Variants in GPC5 observed in about 807,000 individuals in gnomAD.
GPC5 encodes glypican 5, also known as glypican-5.
In GPC5, 47 loss-of-function variants were observed where a neutral mutation model predicts 53.9. The ratio of observed to expected loss-of-function variants is 0.87; its 90% CI spans 0.69 to 1.11. GPC5 has a LOEUF of 1.11. GPC5 is among the 50% of genes most tolerant of loss of function. The pLI, the probability that GPC5 is intolerant of heterozygous loss-of-function variation, is 0.00. For missense variants in GPC5, 748 were observed against 713.1 expected, an observed-to-expected ratio of 1.05 and a Z score of -0.56; for synonymous variants, 286 against 263.3, an observed-to-expected ratio of 1.09 and a Z score of -0.84.
chr13:91,920,340 A>G (rs11618235), intron 6 of GPC5, among the ~76,000 whole-genome samples: 39 of 152,202 alleles, frequency 2.6e-4, no homozygotes, highest in Non-Finnish European at 4.4e-4. Flanking sequence ...AATCAAAGAC[A>G]TATTAAACAA....
chr13:92,657,114 C>T (rs1267050950), intron 7 of GPC5, among the ~76,000 whole-genome samples: 1 of 152,134 alleles, frequency 6.6e-6, no homozygotes, highest in Non-Finnish European at 1.5e-5. Context: ...TCTTTGCTCT[C>T]ATTAGATGGT....
intron 7 of GPC5, among the ~76,000 whole-genome samples, chr13:92,547,455 G>A (rs1882158781): frequency 6.6e-6 from 1 of 152,166 alleles, no homozygotes. Context: ...GTCACTGGAG[G>A]CAGATGTGGA....
chr13:92,372,327 C>T (rs2043657399), intron 7 of GPC5, among the ~76,000 whole-genome samples: 4 of 152,130 alleles, frequency 2.6e-5, no homozygotes, highest in Non-Finnish European at 5.9e-5. Flanking sequence ...AAAGTTTATC[C>T]TCTGTGAAAC....
intron 7 of GPC5, among the ~76,000 whole-genome samples, chr13:92,368,634 TAAAAAAAAAAA>T (rs34793615): frequency 3.0e-5 from 2 of 66,326 alleles, no homozygotes; most frequent in African/African-American, 1.2e-4. Flanking sequence ...AAGACTGTCT[TAAAAAAAAAAA>T]AAAAAAAAAA....
intron 7 of GPC5, among the ~76,000 whole-genome samples, chr13:92,190,514 A>T (rs530215812): frequency 2.8e-4 from 42 of 152,298 alleles, no homozygotes; most frequent in African/African-American, 1.0e-3. Context: ...ATACTTATGC[A>T]TTATATATGC....
chr13:92,609,024 C>T (rs938092229), intron 7 of GPC5, among the ~76,000 whole-genome samples: 10 of 151,914 alleles, frequency 6.6e-5, no homozygotes, highest in Non-Finnish European at 1.5e-4. Context: ...GCAAAATCTC[C>T]TATATGCAGT....
chr13:91,749,741 T>G (rs2037128937), intron 4 of GPC5, among the ~76,000 whole-genome samples: 1 of 152,258 alleles, frequency 6.6e-6, no homozygotes, highest in South Asian at 2.1e-4. Context: ...CATCTTTGCC[T>G]GCATCTGTTA....
At chr13:92,384,069 A>T (rs561687820) in intron 7 of GPC5, among the ~76,000 whole-genome samples, 10 of 152,168 alleles carry the variant, frequency 6.6e-5, no homozygotes, top group African/African-American at 2.2e-4. Flanking sequence ...AAATACTTTC[A>T]ATTAAACATA....
At chr13:91,449,587 T>C (rs1222302691) in intron 2 of GPC5, among the ~76,000 whole-genome samples, 1 of 152,166 alleles carries the variant, frequency 6.6e-6, no homozygotes, top group East Asian at 1.9e-4. Flanking sequence ...TAATCTCATA[T>C]GGTTTTCATA....
intron 6 of GPC5, among the ~76,000 whole-genome samples, chr13:92,095,001 A>G (rs533628752): frequency 1.1e-4 from 17 of 152,162 alleles, no homozygotes; most frequent in Non-Finnish European, 2.2e-4. Context: ...CAAACACAAG[A>G]CTTTTGACCC....
At chr13:91,959,352 A>AAATG (rs2040105644) in intron 6 of GPC5, among the ~76,000 whole-genome samples, 1 of 151,312 alleles carries the variant, frequency 6.6e-6, no homozygotes, top group South Asian at 2.1e-4. Flanking sequence ...AATGACAAAT[A>AAATG]GAAAATCTGA....
At chr13:92,111,786 G>A (rs1001084116) in intron 6 of GPC5, among the ~76,000 whole-genome samples, 18 of 152,050 alleles carry the variant, frequency 1.2e-4, no homozygotes, top group Admixed American at 9.8e-4. Context: ...CCACGAAAAA[G>A]GATTATGAAG....
chr13:92,257,325 G>C (rs2042733261), intron 7 of GPC5, among the ~76,000 whole-genome samples: 1 of 151,772 alleles, frequency 6.6e-6, no homozygotes, highest in African/African-American at 2.4e-5. Context: ...GAGCTGTTTT[G>C]CTGTTTAATG....
intron 1 of GPC5, among the ~76,000 whole-genome samples, chr13:91,402,688 G>A (rs993745439): frequency 6.6e-6 from 1 of 151,378 alleles, no homozygotes; most frequent in African/African-American, 2.5e-5. Context: ...CTGAAAATAT[G>A]TTCTTGTTGT....
At chr13:91,830,899 TC>T (rs542655868) in intron 5 of GPC5, among the ~76,000 whole-genome samples, 1,431 of 134,450 alleles carry the variant, frequency 0.011, 28 homozygotes, top group African/African-American at 0.031. Context: ...AATATATATA[TC>T]CTATTATATA....
At chr13:92,749,585 C>A (rs1022146765) in intron 7 of GPC5, among the ~76,000 whole-genome samples, 3 of 152,016 alleles carry the variant, frequency 2.0e-5, no homozygotes, top group Non-Finnish European at 4.4e-5. Context: ...TTCTGACAAA[C>A]CTTTTTAATG....
At chr13:91,823,011 G>T (rs2038520190) in intron 5 of GPC5, among the ~76,000 whole-genome samples, 1 of 152,014 alleles carries the variant, frequency 6.6e-6, no homozygotes, top group South Asian at 2.1e-4. Context: ...CAAATAAAGT[G>T]TCTTAAATGT....
At chr13:92,320,377 T>C (rs1361502615) in intron 7 of GPC5, among the ~76,000 whole-genome samples, 1 of 152,190 alleles carries the variant, frequency 6.6e-6, no homozygotes, top group African/African-American at 2.4e-5. Flanking sequence ...TATAAAGACC[T>C]AGTTTACTCC....
At chr13:91,589,855 A>C (rs1215379502) in intron 2 of GPC5, among the ~76,000 whole-genome samples, 2 of 152,082 alleles carry the variant, frequency 1.3e-5, no homozygotes, top group Admixed American at 6.6e-5. Context: ...ATCTTCTATG[A>C]ATTTCTATAT....
Sources: gnomAD v4.1 joint callset for allele counts (sites outside exome capture counted in the v4.1 genomes callset) on GRCh38, gnomAD v4.1.1 for gene constraint, MANE v1.5 for transcripts, NCBI Gene and HGNC (gene_info 2026-07-23, HGNC 2026-07-21) for gene names.